STAT3: variants seen among roughly 807,000 people sequenced by gnomAD.
STAT3 encodes the protein DNA-binding protein APRF.
STAT3 carries 7 observed loss-of-function variants against 114.3 expected under a neutral mutation model. That is an observed-to-expected ratio of 0.06 (90% CI 0.03 to 0.11). The LOEUF (loss-of-function observed/expected upper bound fraction) is 0.11. Ranked by LOEUF, STAT3 falls within the 10% of genes least tolerant of loss-of-function variation. STAT3 has a pLI of 1.00. For missense variants in STAT3, 364 were observed against 960.9 expected (o/e 0.38, Z 8.21); for synonymous variants, 331 against 354.5 (o/e 0.93, Z 0.74).
rs35099574 is a variant in STAT3 at position 42,358,933 on chromosome 17, C to CTTTTTTTTTTTTTTTTTTTTTTTTTTTT, written c.-23-10395_-23-10394insAAAAAAAAAAAAAAAAAAAAAAAAAAAA. Among the ~76,000 whole-genome samples the CTTTTTTTTTTTTTTTTTTTTTTTTTTTT allele has an allele frequency of 3.7e-4, 37 of 100,454 alleles. 1 individual carries two copies. Among genetic ancestry groups the CTTTTTTTTTTTTTTTTTTTTTTTTTTTT allele is most frequent in the Non-Finnish European group, 3.7e-4 (20 of 53,348 alleles). 65.9% of individuals were successfully genotyped at this position (100,454 alleles called of 152,430 possible). Reference sequence around the variant, plus strand: ...GTCTCCCTTTCATGGACATTTCTTACTTTTTTTTTTTTTTTTTTTGAGATG... The same window carrying CTTTTTTTTTTTTTTTTTTTTTTTTTTTT: ...GTCTCCCTTTCATGGACATTTCTTACTTTTTTTTTTTTTTTTTTTTTTTTTTTTTTTTTTTTTTTTTTTTTTTGAGATG... On this transcript the variant is annotated intron_variant, in intron 1 of 23. Coordinates refer to ENST00000264657, the MANE Select transcript of STAT3 (RefSeq NM_139276.3).
chr17:42,338,701 G>T, intron 6 of STAT3, 30 bp downstream of exon 6: 2 of 1,584,360 alleles, frequency 1.3e-6, no homozygotes, highest in Non-Finnish European at 1.7e-6. Flanking sequence ...TCACTTTCTA[G>T]AGATTTTAAC....
intron 1 of STAT3, among the ~76,000 whole-genome samples, chr17:42,368,900 A>G (rs1474082524): frequency 6.7e-6 from 1 of 149,896 alleles, no homozygotes; most frequent in Non-Finnish European, 1.5e-5. Flanking sequence ...CCCTCCTCCC[A>G]CTCTCCACCC....
intron 1 of STAT3, among the ~76,000 whole-genome samples, chr17:42,385,633 G>A (rs2085061832): frequency 6.6e-6 from 1 of 152,068 alleles, no homozygotes. Context: ...CCTCATATCT[G>A]AATGTCAAGA....
At chr17:42,366,746 C>T (rs1293703993) in intron 1 of STAT3, among the ~76,000 whole-genome samples, 1 of 151,702 alleles carries the variant, frequency 6.6e-6, no homozygotes, top group Non-Finnish European at 1.5e-5. Context: ...TAATCCAGGC[C>T]ACCAGCATCT....
intron 1 of STAT3, among the ~76,000 whole-genome samples, chr17:42,375,517 ATTT>A (rs1215582313): frequency 2.0e-5 from 3 of 152,148 alleles, no homozygotes; most frequent in African/African-American, 7.2e-5. Context: ...TTTATTTATT[ATTT>A]TTTAAATTTA....
chr17:42,376,196 G>A (rs781375067), intron 1 of STAT3, among the ~76,000 whole-genome samples: 8 of 151,638 alleles, frequency 5.3e-5, no homozygotes, highest in Non-Finnish European at 8.8e-5. Flanking sequence ...CTGGGATACT[G>A]GCAGATATTT....
rs185777894 is a variant in STAT3, at chr17:42,368,419, G to A, written c.-24+19860C>T. ...ACTAAAATCGTACAACCACTTGGATGACTAGGTTTGAGATATTCCCAAAGT... is the reference window on the plus strand; with the variant it reads ...ACTAAAATCGTACAACCACTTGGATAACTAGGTTTGAGATATTCCCAAAGT... On this transcript the variant is annotated intron_variant, in intron 1 of 23. Transcript: ENST00000264657. Among the ~76,000 whole-genome samples the A allele has an allele frequency of 2.0e-5, 3 of 152,286 alleles. No individual in the cohort carries two copies. The East Asian group carries it at 5.8e-4, about 29-fold the overall frequency.
At chr17:42,335,050 C>G (rs960461013) in intron 8 of STAT3, among the ~76,000 whole-genome samples, 10 of 152,186 alleles carry the variant, frequency 6.6e-5, no homozygotes, top group African/African-American at 1.9e-4. Flanking sequence ...TTGCCAGGCC[C>G]TTCACCATCA....
At chr17:42,346,300 G>C (rs552847020) in intron 3 of STAT3, among the ~76,000 whole-genome samples, 1 of 152,274 alleles carries the variant, frequency 6.6e-6, no homozygotes, top group African/African-American at 2.4e-5. Context: ...CTTCCTATCA[G>C]TGGACCGCGT....
At chr17:42,331,783 C>T (rs1039943384) in intron 10 of STAT3, among the ~76,000 whole-genome samples, 14 of 151,946 alleles carry the variant, frequency 9.2e-5, no homozygotes, top group East Asian at 1.9e-4. Context: ...TAAAAATTAG[C>T]GGGGTGTGGT....
chr17:42,384,128 A>ATTTTTTTT (rs201020826), intron 1 of STAT3, among the ~76,000 whole-genome samples: 1 of 86,308 alleles, frequency 1.2e-5, no homozygotes, highest in African/African-American at 3.4e-5. Flanking sequence ...TTATTTATTT[A>ATTTTTTTT]TTTATTTTTT....
intron 4 of STAT3, among the ~76,000 whole-genome samples, chr17:42,344,635 C>T (rs1371297913): frequency 1.3e-5 from 2 of 151,372 alleles, no homozygotes; most frequent in African/African-American, 4.9e-5. Flanking sequence ...AAGAGAATCG[C>T]TTGAACCTGG....
chr17:42,329,826 A>G (rs2081917208), intron 11 of STAT3, 50 bp from the exon 12 acceptor site: 9 of 1,606,310 alleles, frequency 5.6e-6, no homozygotes, highest in Non-Finnish European at 7.7e-6. Flanking sequence ...TGTTTCTTCA[A>G]AAAGCCTACT....
At position 42,337,694 on chromosome 17, in the gene STAT3, G is replaced by A. The variant is rs575177934; in HGVS notation, c.645+69C>T. The A allele has an allele frequency of 3.1e-6, 5 of 1,612,938 alleles. No homozygotes were observed. Among genetic ancestry groups the A allele is most frequent in the Non-Finnish European group, 4.2e-6 (5 of 1,179,126 alleles). On this transcript the variant is annotated intron_variant, in intron 7 of 23. Transcript: ENST00000264657. This position sits in a 1 kb window ranked among gnomAD's most constrained non-coding sequence, Gnocchi z 4.0. ...ACTTCTTAGAAACCAAGCAAGTTCTGCCACAAGACGCTGAAATCCCGCAAG... is the reference window on the plus strand; with the variant it reads ...ACTTCTTAGAAACCAAGCAAGTTCTACCACAAGACGCTGAAATCCCGCAAG...
At chr17:42,366,537 G>A (rs2083800378) in intron 1 of STAT3, among the ~76,000 whole-genome samples, 1 of 152,038 alleles carries the variant, frequency 6.6e-6, no homozygotes, top group African/African-American at 2.4e-5. Context: ...CGGATATAGT[G>A]GCGCAAGCCT....
intron 1 of STAT3, among the ~76,000 whole-genome samples, chr17:42,371,619 T>C (rs1009641734): frequency 4.2e-5 from 6 of 142,862 alleles, no homozygotes; most frequent in Non-Finnish European, 9.0e-5. Flanking sequence ...GAGGTTGCAG[T>C]GAGCCGAGAT....
intron 1 of STAT3, among the ~76,000 whole-genome samples, chr17:42,375,178 T>G (rs2145302643): frequency 6.6e-6 from 1 of 152,304 alleles, no homozygotes; most frequent in African/African-American, 2.4e-5. Flanking sequence ...CTCTAAAACA[T>G]TTTCCCTCAT....
chr17:42,337,708 A>T lies in STAT3; in HGVS notation c.645+55T>A, dbSNP rs531748730. On this transcript the variant is annotated intron_variant, in intron 7 of 23. Transcript: ENST00000264657. This position sits in a 1 kb window ranked among gnomAD's most constrained non-coding sequence, Gnocchi z 4.0. ...AAGCAAGTTCTGCCACAAGACGCTG[A>T]AATCCCGCAAGTGAGCGAGACACAT... 5.6e-6 allele frequency: 9 copies of T among 1,613,786 alleles called. No homozygotes were observed. The East Asian group carries it at 2.0e-4, about 36-fold the overall frequency.
chr17:42,372,409 T>C (rs1390139081), intron 1 of STAT3, among the ~76,000 whole-genome samples: 1 of 152,030 alleles, frequency 6.6e-6, no homozygotes, highest in Non-Finnish European at 1.5e-5. Flanking sequence ...CAAAAAAACA[T>C]GAAGAAACCT....
Sources: gnomAD v4.1 joint callset for allele counts (sites outside exome capture counted in the v4.1 genomes callset) on GRCh38, gnomAD v4.1.1 for gene constraint, Gnocchi (gnomAD v3.1) non-coding constraint, MANE v1.5 for transcripts, NCBI Gene and HGNC (gene_info 2026-07-23, HGNC 2026-07-21) for gene names.